Variants in SLC26A5 observed in about 807,000 individuals in gnomAD.
SLC26A5 encodes the protein prestin.
In SLC26A5, 51 loss-of-function variants were observed where a neutral mutation model predicts 81.0. The ratio of observed to expected loss-of-function variants is 0.63; its 90% CI spans 0.50 to 0.80. SLC26A5 has a LOEUF of 0.80. SLC26A5 is among the 30% of genes least tolerant of loss of function. The pLI, the probability that SLC26A5 is intolerant of heterozygous loss-of-function variation, is 0.00. For missense variants in SLC26A5, 771 were observed against 905.8 expected, an observed-to-expected ratio of 0.85 and a Z score of 1.91; for synonymous variants, 325 against 332.8, an observed-to-expected ratio of 0.98 and a Z score of 0.25.
chr7:103,439,824 C>T (rs147236923), intron 2 of SLC26A5, among the ~76,000 whole-genome samples: 1 of 152,150 alleles, frequency 6.6e-6, no homozygotes, highest in Non-Finnish European at 1.5e-5. Flanking sequence ...CGTGAGCCAC[C>T]GCAGTTGGCC....
chr7:103,401,870 G>A (rs2116573877), intron 8 of SLC26A5, among the ~76,000 whole-genome samples: 1 of 152,304 alleles, frequency 6.6e-6, no homozygotes, highest in South Asian at 2.1e-4. Context: ...ATTGATTTGT[G>A]TATGTTGAAC....
intron 2 of SLC26A5, among the ~76,000 whole-genome samples, chr7:103,432,594 T>C (rs1414627993): frequency 2.0e-5 from 3 of 152,202 alleles, no homozygotes; most frequent in Non-Finnish European, 4.4e-5. Flanking sequence ...CATTTTCCCT[T>C]TTGTTTTCAA....
At chr7:103,401,372 T>C (rs1823574888) in intron 8 of SLC26A5, among the ~76,000 whole-genome samples, 1 of 151,830 alleles carries the variant, frequency 6.6e-6, no homozygotes, top group African/African-American at 2.4e-5. Flanking sequence ...CTCTCTATTT[T>C]TGATGTATAG....
intron 19 of SLC26A5, among the ~76,000 whole-genome samples, chr7:103,375,067 T>C (rs1821256807): frequency 6.8e-6 from 1 of 146,600 alleles, no homozygotes; most frequent in African/African-American, 2.5e-5. Context: ...TATACACACA[T>C]ATATAAATAT....
intron 11 of SLC26A5, among the ~76,000 whole-genome samples, chr7:103,390,843 A>C (rs1000398548): frequency 5.9e-5 from 9 of 151,590 alleles, no homozygotes; most frequent in Admixed American, 3.9e-4. Context: ...TATGGGAGCC[A>C]GTAGCCACAT....
At chr7:103,382,399 G>C (rs1338083797) in intron 14 of SLC26A5, among the ~76,000 whole-genome samples, 2 of 143,818 alleles carry the variant, frequency 1.4e-5, no homozygotes, top group East Asian at 2.0e-4. Context: ...GCCCAGGCTG[G>C]AGTGCAATGG....
intron 19 of SLC26A5, chr7:103,366,293 G>A (rs533878270): frequency 2.0e-5 from 15 of 747,594 alleles, no homozygotes; most frequent in Non-Finnish European, 3.1e-5. Context: ...AAACAGTGGC[G>A]CCACAGATCT....
rs547781826 is a variant in SLC26A5 at position 103,427,130 on chromosome 7, G to T, written c.-53-5563C>A. ...ACTCTGTTGCCTAGGCTGGAGTGCA[G>T]TGGCGTGATCTTGGCTCACTGCAAC... On this transcript the variant is annotated intron_variant, in intron 2 of 19. Transcript: ENST00000306312. Among the ~76,000 whole-genome samples the T allele has an allele frequency of 6.6e-5, 10 of 151,116 alleles. No homozygotes were observed. In the South Asian group the frequency reaches 1.5e-3, roughly 22 times the overall value.
At chr7:103,390,542 G>A (rs970225307) in intron 11 of SLC26A5, 36 bp from the exon 12 acceptor site, 1 of 1,560,084 alleles carries the variant, frequency 6.4e-7, no homozygotes, top group Non-Finnish European at 8.8e-7. Flanking sequence ...GGGCTTTTAG[G>A]AGACTTGAAT....
At chr7:103,376,772 A>C (rs1263760681) in intron 19 of SLC26A5, 36 bp downstream of exon 19, 1 of 1,446,666 alleles carries the variant, frequency 6.9e-7, no homozygotes, top group East Asian at 2.3e-5. Context: ...CAAAACTAAA[A>C]TATTAAGCTT....
At chr7:103,444,558 T>C (rs1050754392) in intron 1 of SLC26A5, among the ~76,000 whole-genome samples, 1 of 152,262 alleles carries the variant, frequency 6.6e-6, no homozygotes, top group Non-Finnish European at 1.5e-5. Context: ...ATTCTTCTGT[T>C]CTTAGCAAAG....
At chr7:103,420,472 T>C (rs1825259853) in intron 4 of SLC26A5, among the ~76,000 whole-genome samples, 1 of 151,922 alleles carries the variant, frequency 6.6e-6, no homozygotes, top group African/African-American at 2.4e-5. Context: ...TTTTGTTTGT[T>C]TTTGTTTTGG....
chr7:103,385,542 G>GA (rs763999981), intron 14 of SLC26A5, among the ~76,000 whole-genome samples: 21 of 151,958 alleles, frequency 1.4e-4, no homozygotes, highest in Non-Finnish European at 2.4e-4. Context: ...GAAGCCAGCT[G>GA]AAAATAAACA....
chr7:103,439,880 C>A (rs980426976), intron 2 of SLC26A5, among the ~76,000 whole-genome samples: 1 of 152,126 alleles, frequency 6.6e-6, no homozygotes, highest in East Asian at 1.9e-4. Flanking sequence ...TGCCTCAGGG[C>A]CTTTGCACTG....
rs745847089 is a variant in SLC26A5 at position 103,398,012 on chromosome 7, G to A, written c.891C>T (p.Val297=). 7 of 1,613,142 alleles carry A rather than the reference G, an allele frequency of 4.3e-6. No homozygotes were observed. Among genetic ancestry groups the A allele is most frequent in the Admixed American group, 3.3e-5 (2 of 60,006 alleles). The change falls in exon 9 of 20, where the codon GTC becomes GTT. Residue 297 remains valine, a splice_region_variant and synonymous_variant. Transcript: ENST00000306312. ...PAPIPLEFFA[V]VMGTGISAGF... is the part of the protein sequence containing the mutation. ...CAGCTGAAATGCCAGTTCCCATTAC[G>A]ACCTAAAAAGACACAAATCCAAATG...
rs150231269 is a variant in SLC26A5, at chr7:103,400,918, A to G, written c.889-2904T>C. Among the ~76,000 whole-genome samples the G allele has an allele frequency of 5.6e-3, 852 of 152,212 alleles. 12 individuals are homozygous for G. Among genetic ancestry groups the G allele is most frequent in the African/African-American group, 0.02 (815 of 41,516 alleles). ...GGCCTCTGTTCTGTTCCACAGGTCTATATATCTGTTTTGGTACCAGTACCA... is the reference window on the plus strand; with the variant it reads ...GGCCTCTGTTCTGTTCCACAGGTCTGTATATCTGTTTTGGTACCAGTACCA... On this transcript the variant is annotated intron_variant, in intron 8 of 19. Coordinates refer to ENST00000306312, the MANE Select transcript of SLC26A5 (RefSeq NM_198999.3).
chr7:103,404,612 C>T (rs927829131), intron 8 of SLC26A5, among the ~76,000 whole-genome samples: 2 of 152,130 alleles, frequency 1.3e-5, no homozygotes, highest in African/African-American at 2.4e-5. Flanking sequence ...CTGCCCTTAA[C>T]ATTTTTTCCT....
At position 103,402,052 on chromosome 7, in the gene SLC26A5, T is replaced by C. The variant is rs181743117; in HGVS notation, c.889-4038A>G. Among the ~76,000 whole-genome samples, 213 of 152,338 alleles carry C rather than the reference T, an allele frequency of 1.4e-3. 1 individual carries two copies. Among genetic ancestry groups the C allele is most frequent in the South Asian group, 3.7e-3 (18 of 4,824 alleles). ...TTGTTGTGTCTCTGCCAGGTTTTGG[T>C]AGCAGGATGATGCTGGCATCATAAA... On this transcript the variant is annotated intron_variant, in intron 8 of 19. Transcript: ENST00000306312.
intron 19 of SLC26A5, among the ~76,000 whole-genome samples, chr7:103,354,256 T>C (rs1486396626): frequency 6.6e-6 from 1 of 152,174 alleles, no homozygotes. Flanking sequence ...TTGAAAGATA[T>C]TTGAAATCAT....
Sources: gnomAD v4.1 joint callset for allele counts (sites outside exome capture counted in the v4.1 genomes callset) on GRCh38, gnomAD v4.1.1 for gene constraint, MANE v1.5 for transcripts, NCBI Gene and HGNC (gene_info 2026-07-23, HGNC 2026-07-21) for gene names.